The following TRPC4 variants were observed in gnomAD, a reference collection of about 807,000 sequenced individuals.
TRPC4 encodes the protein short transient receptor potential channel 4.
A neutral mutation model predicts 99.4 loss-of-function variants in TRPC4; 49 were observed. That is an observed-to-expected ratio of 0.49 (90% CI 0.39 to 0.63). TRPC4 has a LOEUF of 0.63. Ranked by LOEUF, TRPC4 falls within the 20% of genes least tolerant of loss-of-function variation. The pLI, the probability that TRPC4 is intolerant of heterozygous loss-of-function variation, is 0.00. For synonymous variants in TRPC4, 454 were observed against 425.9 expected, an observed-to-expected ratio of 1.07 and a Z score of -0.81; for missense variants, 898 against 1,152.9, an observed-to-expected ratio of 0.78 and a Z score of 3.20.
At chr13:37,670,771 C>G (rs555656161) in intron 5 of TRPC4, among the ~76,000 whole-genome samples, 1 of 152,206 alleles carries the variant, frequency 6.6e-6, no homozygotes, top group African/African-American at 2.4e-5. Context: ...TCCTTCTCAC[C>G]TTCTCCCTGC....
intron 1 of TRPC4, among the ~76,000 whole-genome samples, chr13:37,856,903 T>A (rs888273377): frequency 6.6e-6 from 1 of 151,550 alleles, no homozygotes; most frequent in Non-Finnish European, 1.5e-5. Flanking sequence ...CTTCACATGA[T>A]AAAAGCAATA....
At chr13:37,661,030 T>C (rs1294431064) in intron 6 of TRPC4, among the ~76,000 whole-genome samples, 1 of 152,172 alleles carries the variant, frequency 6.6e-6, no homozygotes, top group Non-Finnish European at 1.5e-5. Context: ...AAAAAATAAT[T>C]TGTGGCTTGC....
intron 6 of TRPC4, among the ~76,000 whole-genome samples, chr13:37,655,741 T>C (rs1952206865): frequency 6.6e-6 from 1 of 152,132 alleles, no homozygotes; most frequent in Non-Finnish European, 1.5e-5. Flanking sequence ...GCTTCTTTTG[T>C]GCTACAATGG....
At chr13:37,639,344 A>G (rs1951642569) in intron 8 of TRPC4, 45 bp from the exon 9 acceptor site, 2 of 1,542,714 alleles carry the variant, frequency 1.3e-6, no homozygotes, top group Non-Finnish European at 1.8e-6. Flanking sequence ...CTGTTATATT[A>G]CTATTCTAAA....
At chr13:37,761,578 C>T (rs971175101) in intron 2 of TRPC4, among the ~76,000 whole-genome samples, 1 of 151,894 alleles carries the variant, frequency 6.6e-6, no homozygotes, top group Non-Finnish European at 1.5e-5. Context: ...CATTAAGGAA[C>T]AAGAACTGAA....
At chr13:37,712,844 C>A (rs956224959) in intron 3 of TRPC4, among the ~76,000 whole-genome samples, 1 of 152,078 alleles carries the variant, frequency 6.6e-6, no homozygotes, top group East Asian at 1.9e-4. Flanking sequence ...CTTAACACTG[C>A]AAATGAGTTG....
intron 1 of TRPC4, among the ~76,000 whole-genome samples, chr13:37,787,479 T>C (rs572549359): frequency 6.6e-6 from 1 of 152,082 alleles, no homozygotes; most frequent in Admixed American, 6.6e-5. Context: ...CATAAAAGCA[T>C]AATGGTCTGA....
chr13:37,739,697 G>C (rs1955524327), intron 3 of TRPC4, among the ~76,000 whole-genome samples: 1 of 151,708 alleles, frequency 6.6e-6, no homozygotes, highest in South Asian at 2.1e-4. Context: ...GTAGAGACAG[G>C]GTTTCGCTTT....
intron 4 of TRPC4, among the ~76,000 whole-genome samples, chr13:37,680,074 A>G (rs1295400626): frequency 6.6e-6 from 1 of 152,214 alleles, no homozygotes; most frequent in African/African-American, 2.4e-5. Flanking sequence ...CGACTGGATC[A>G]GAATCTCCTA....
At chr13:37,639,362 T>C in intron 8 of TRPC4, 63 bp from the exon 9 acceptor site, 1 of 1,484,748 alleles carries the variant, frequency 6.7e-7, no homozygotes, top group Admixed American at 2.1e-5. Flanking sequence ...AAAAAATAAT[T>C]TATTTTTTTA....
At chr13:37,866,851 G>GGGT (rs1566236249) in intron 1 of TRPC4, among the ~76,000 whole-genome samples, 1 of 119,406 alleles carries the variant, frequency 8.4e-6, no homozygotes, top group Non-Finnish European at 1.7e-5. Context: ...TTTTGTGGGG[G>GGGT]GGGGCGGGTA....
At chr13:37,858,936 TG>T (rs1187457693) in intron 1 of TRPC4, among the ~76,000 whole-genome samples, 1 of 151,408 alleles carries the variant, frequency 6.6e-6, no homozygotes, top group Non-Finnish European at 1.5e-5. Context: ...AGGGCATAAA[TG>T]GATGGTTTGT....
At chr13:37,659,144 G>A (rs9576331) in intron 6 of TRPC4, among the ~76,000 whole-genome samples, 56,472 of 151,774 alleles carry the variant, frequency 0.37, 10,926 homozygotes, top group African/African-American at 0.44. Flanking sequence ...TGTAATCCCT[G>A]ATGTTGAAAG....
intron 3 of TRPC4, among the ~76,000 whole-genome samples, chr13:37,707,293 T>C (rs1053217225): frequency 6.6e-6 from 1 of 152,116 alleles, no homozygotes; most frequent in Non-Finnish European, 1.5e-5. Context: ...ATAGAACATA[T>C]ATGAATAGAC....
rs148379658 is a variant in TRPC4, at chr13:37,644,655, G to A, written c.2080-5356C>T. ...GGAGGCCGAAGAGGGTGGATCACGA[G>A]GTCAGGAGCTCAAGACCATCCTGGC... is the stretch of plus-strand genomic sequence containing the variant. On this transcript the variant is annotated intron_variant, in intron 8 of 10. Coordinates refer to ENST00000379705, the MANE Select transcript of TRPC4 (RefSeq NM_016179.4). Among the ~76,000 whole-genome samples the A allele has an allele frequency of 8.1e-3, 1,239 of 152,030 alleles. 23 individuals carry two copies. The highest frequency in any genetic ancestry group is 0.029 in the African/African-American group (1,202 of 41,474).
rs192864545 is a variant in TRPC4, at chr13:37,743,920, A to G, written c.897+2017T>C. The stretch of plus-strand genomic sequence containing the variant: ...CAAAGATGACGTTAAATCAGCTTCA[A>G]TGCCATGACCAAAATGAGTGCAGGC... On this transcript the variant is annotated intron_variant, in intron 3 of 10. Coordinates refer to ENST00000379705, the MANE Select transcript of TRPC4 (RefSeq NM_016179.4). 3.3e-3 allele frequency among the ~76,000 whole-genome samples: 505 copies of G among 152,222 alleles called. 1 individual carries two copies. Among genetic ancestry groups the G allele is most frequent in the Non-Finnish European group, 5.9e-3 (398 of 68,018 alleles).
intron 1 of TRPC4, among the ~76,000 whole-genome samples, chr13:37,823,569 A>T (rs1454900697): frequency 6.6e-6 from 1 of 152,024 alleles, no homozygotes; most frequent in Non-Finnish European, 1.5e-5. Flanking sequence ...TTTGTCAAAG[A>T]TCAAATACTT....
intron 8 of TRPC4, among the ~76,000 whole-genome samples, chr13:37,641,250 A>T (rs1321718408): frequency 6.6e-6 from 1 of 152,160 alleles, no homozygotes. Flanking sequence ...TTGGGAAAAA[A>T]CTTAAAAAAT....
At chr13:37,690,051 G>A (rs929695079) in intron 4 of TRPC4, among the ~76,000 whole-genome samples, 5 of 152,068 alleles carry the variant, frequency 3.3e-5, no homozygotes, top group Admixed American at 6.5e-5. Context: ...AATGTTCTGC[G>A]TTTGGGAAAC....
Sources: allele counts gnomAD v4.1 joint callset (sites outside exome capture counted in the v4.1 genomes callset), GRCh38; gene constraint gnomAD v4.1.1; transcripts MANE v1.5; gene names NCBI Gene and HGNC (gene_info 2026-07-23, HGNC 2026-07-21).